SGCD: variants seen among roughly 807,000 people sequenced by gnomAD.
SGCD encodes the protein sarcoglycan delta.
SGCD carries 18 observed loss-of-function variants against 36.6 expected under a neutral mutation model. That is an observed-to-expected ratio of 0.49 (90% CI 0.34 to 0.73). The LOEUF (loss-of-function observed/expected upper bound fraction) is 0.73, where lower values mean the gene tolerates loss of function less well. SGCD is among the 30% of genes least tolerant of loss of function. The pLI is 0.01. For synonymous variants in SGCD, 133 were observed against 130.6 expected (o/e 1.02, Z -0.12); for missense variants, 387 against 346.7 (o/e 1.12, Z -0.92).
chr5:156,651,253 C>A (rs780408540), intron 7 of SGCD, among the ~76,000 whole-genome samples: 1 of 151,980 alleles, frequency 6.6e-6, no homozygotes, highest in Non-Finnish European at 1.5e-5. Flanking sequence ...ATTTTGTAGA[C>A]TGTTTATCCT....
intron 1 of SGCD, among the ~76,000 whole-genome samples, chr5:155,955,105 A>C (rs1167935074): frequency 6.6e-6 from 1 of 152,094 alleles, no homozygotes; most frequent in Non-Finnish European, 1.5e-5. Flanking sequence ...GATGAGGCCT[A>C]CTTGTGTCAG....
intron 3 of SGCD, among the ~76,000 whole-genome samples, chr5:156,133,942 CACA>C (rs1762389746): frequency 1.3e-5 from 2 of 151,754 alleles, no homozygotes; most frequent in South Asian, 4.2e-4. Flanking sequence ...CACACACACA[CACA>C]CACACACACA....
the SGCD span, among the ~76,000 whole-genome samples, chr5:155,728,971 G>A: frequency 1.3e-5 from 2 of 152,252 alleles, no homozygotes; most frequent in African/African-American, 4.8e-5. Flanking sequence ...GGCCCTGCGG[G>A]ATAGCGTTTA....
intron 1 of SGCD, among the ~76,000 whole-genome samples, chr5:156,115,893 G>A (rs1254720541): frequency 6.6e-6 from 1 of 152,092 alleles, no homozygotes; most frequent in African/African-American, 2.4e-5. Context: ...ACAACTTGAT[G>A]TAATTTAGGT....
intron 3 of SGCD, among the ~76,000 whole-genome samples, chr5:156,458,224 C>A (rs1754339234): frequency 6.6e-6 from 1 of 152,196 alleles, no homozygotes; most frequent in Admixed American, 6.5e-5. Context: ...CCCATAAGGA[C>A]AACTCTATGT....
At chr5:156,254,354 C>T (rs1334294078) in intron 3 of SGCD, among the ~76,000 whole-genome samples, 3 of 152,166 alleles carry the variant, frequency 2.0e-5, no homozygotes, top group Non-Finnish European at 4.4e-5. Flanking sequence ...AGGTATATCT[C>T]CTAATGCTAT....
At chr5:155,839,446 AGTAACAGC>A in the SGCD span, among the ~76,000 whole-genome samples, 1 of 152,152 alleles carries the variant, frequency 6.6e-6, no homozygotes, top group African/African-American at 2.4e-5. Flanking sequence ...GTATAATGCT[AGTAACAGC>A]TACTCATTTG....
intron 7 of SGCD, among the ~76,000 whole-genome samples, chr5:156,715,556 A>G (rs1293098729): frequency 1.3e-5 from 2 of 152,132 alleles, no homozygotes; most frequent in Non-Finnish European, 2.9e-5. Flanking sequence ...ATTTACTTGG[A>G]GCTGCTATGA....
intron 3 of SGCD, among the ~76,000 whole-genome samples, chr5:156,311,522 T>C (rs1385241997): frequency 6.6e-6 from 1 of 152,178 alleles, no homozygotes; most frequent in Admixed American, 6.5e-5. Context: ...AATCATAGAA[T>C]ACAGTATCTT....
intron 3 of SGCD, among the ~76,000 whole-genome samples, chr5:156,225,082 C>G (rs1764817250): frequency 6.6e-6 from 1 of 152,078 alleles, no homozygotes; most frequent in African/African-American, 2.4e-5. Context: ...TCACCAATGG[C>G]ATTGTTGTGT....
chr5:156,229,530 A>T (rs908905518), intron 3 of SGCD, among the ~76,000 whole-genome samples: 7 of 151,676 alleles, frequency 4.6e-5, no homozygotes, highest in African/African-American at 1.7e-4. Context: ...CTGCTGAGAA[A>T]TTTGCTGATA....
At chr5:156,607,882 G>T (rs577646134) in intron 6 of SGCD, among the ~76,000 whole-genome samples, 2 of 151,990 alleles carry the variant, frequency 1.3e-5, no homozygotes, top group Non-Finnish European at 2.9e-5. Context: ...CTGTTGGATC[G>T]GTGGTGATAT....
intron 3 of SGCD, among the ~76,000 whole-genome samples, chr5:156,355,775 T>TAC (rs543040680): frequency 7.4e-4 from 112 of 152,318 alleles, no homozygotes; most frequent in Non-Finnish European, 1.3e-3. Flanking sequence ...TAGCTGGGAT[T>TAC]ACAGGCATGT....
chr5:156,704,005 G>A (rs559432977), intron 7 of SGCD: 89 of 152,188 alleles, frequency 5.8e-4, no homozygotes, highest in African/African-American at 2.1e-3. Flanking sequence ...TGCAAGTGAA[G>A]GAACACTGAA....
At chr5:156,537,459 C>CACACACACACACACA (rs1758163233) in intron 4 of SGCD, among the ~76,000 whole-genome samples, 1 of 125,808 alleles carries the variant, frequency 7.9e-6, no homozygotes, top group Non-Finnish European at 1.7e-5. Flanking sequence ...AAGGTAGCAG[C>CACACACACACACACA]CACACACACA....
intron 3 of SGCD, among the ~76,000 whole-genome samples, chr5:156,199,026 T>G (rs541876599): frequency 9.8e-4 from 149 of 152,092 alleles, no homozygotes; most frequent in Non-Finnish European, 1.9e-3. Context: ...CTATTCGACA[T>G]GAAGAAATAA....
intron 3 of SGCD, among the ~76,000 whole-genome samples, chr5:156,444,115 T>TCTCC (rs1561699451): frequency 1.4e-5 from 1 of 72,796 alleles, no homozygotes; most frequent in African/African-American, 6.2e-5. Flanking sequence ...TCTCTCTCTC[T>TCTCC]CCCCTTCCCT....
chr5:156,319,549 C>A (rs1767604313), intron 3 of SGCD, among the ~76,000 whole-genome samples: 1 of 152,166 alleles, frequency 6.6e-6, no homozygotes, highest in South Asian at 2.1e-4. Flanking sequence ...AAGTAGGTAA[C>A]CAGATAATGC....
At chr5:156,559,984 G>A (rs1322540831) in intron 4 of SGCD, among the ~76,000 whole-genome samples, 4 of 152,158 alleles carry the variant, frequency 2.6e-5, no homozygotes, top group Non-Finnish European at 4.4e-5. Context: ...GAGAAAAAAG[G>A]ACAATGTCTG....
Sources: allele counts gnomAD v4.1 joint callset (sites outside exome capture counted in the v4.1 genomes callset), GRCh38; gene constraint gnomAD v4.1.1; transcripts MANE v1.5; gene names NCBI Gene and HGNC (gene_info 2026-07-23, HGNC 2026-07-21).